The following SLC4A7 variants were observed in gnomAD, a reference collection of about 807,000 sequenced individuals.
SLC4A7 encodes sodium bicarbonate cotransporter 3.
A neutral mutation model predicts 137.6 loss-of-function variants in SLC4A7; 51 were observed. The observed-to-expected ratio is 0.37, with a 90% CI of 0.30 to 0.47. The LOEUF (loss-of-function observed/expected upper bound fraction) is 0.47. Among genes scored for constraint, SLC4A7 ranks in the 20% least tolerant of loss-of-function variants. The probability of loss-of-function intolerance (pLI) is 1.00; values close to 1 mark genes in which losing one functional copy is unlikely to be tolerated. For missense variants in SLC4A7, 1,247 were observed against 1,525.4 expected (o/e 0.82, Z 3.04); for synonymous variants, 542 against 518.6 (o/e 1.05, Z -0.61).
intron 18 of SLC4A7, among the ~76,000 whole-genome samples, chr3:27,397,066 T>C (rs1336311763): frequency 6.6e-6 from 1 of 152,164 alleles, no homozygotes; most frequent in Non-Finnish European, 1.5e-5. Context: ...TCCCCTCTTA[T>C]TGCCCAGTCT....
At chr3:27,392,263 T>C (rs2150087890) in intron 20 of SLC4A7, among the ~76,000 whole-genome samples, 1 of 152,220 alleles carries the variant, frequency 6.6e-6, no homozygotes, top group East Asian at 1.9e-4. Flanking sequence ...AAAATCCACC[T>C]CCAAAATAAA....
intron 11 of SLC4A7, among the ~76,000 whole-genome samples, chr3:27,412,716 ATTT>A (rs1234246554): frequency 6.9e-6 from 1 of 145,676 alleles, no homozygotes; most frequent in Non-Finnish European, 1.6e-5. Context: ...TTTGGCTATT[ATTT>A]TTAATTTAAT....
intron 10 of SLC4A7, 24 bp from the exon 11 acceptor site, chr3:27,418,656 A>G (rs755713758): frequency 1.7e-5 from 25 of 1,470,428 alleles, no homozygotes; most frequent in Non-Finnish European, 9.3e-7. Flanking sequence ...ATATTGAGTA[A>G]AAGATTTTAA....
At chr3:27,386,541 CCTG>C (rs1351160796) in intron 22 of SLC4A7, among the ~76,000 whole-genome samples, 10 of 152,136 alleles carry the variant, frequency 6.6e-5, no homozygotes, top group South Asian at 2.1e-4. Context: ...CACTTCTGTA[CCTG>C]CTATTTCCTA....
intron 18 of SLC4A7, among the ~76,000 whole-genome samples, chr3:27,396,976 C>T (rs1393047739): frequency 6.6e-6 from 1 of 152,068 alleles, no homozygotes; most frequent in East Asian, 1.9e-4. Flanking sequence ...ATATACTACC[C>T]TTCTAGAAAT....
intron 1 of SLC4A7, among the ~76,000 whole-genome samples, chr3:27,476,540 C>A (rs1488565419): frequency 1.3e-5 from 2 of 152,196 alleles, no homozygotes; most frequent in African/African-American, 4.8e-5. Context: ...TGTCCCCACC[C>A]AAATCTCATG....
At chr3:27,435,724 C>T (rs572340142) in intron 5 of SLC4A7, among the ~76,000 whole-genome samples, 1 of 152,232 alleles carries the variant, frequency 6.6e-6, no homozygotes, top group African/African-American at 2.4e-5. Context: ...CACCTGTGGT[C>T]CCAGCTACTC....
intron 18 of SLC4A7, 53 bp from the exon 19 acceptor site, chr3:27,395,168 A>C: frequency 7.6e-7 from 1 of 1,313,118 alleles, no homozygotes; most frequent in Non-Finnish European, 1.0e-6. Context: ...GTATTGCACT[A>C]AATTTCCATA....
intron 11 of SLC4A7, among the ~76,000 whole-genome samples, chr3:27,414,622 A>G (rs2054215188): frequency 6.6e-6 from 1 of 152,190 alleles, no homozygotes; most frequent in South Asian, 2.1e-4. Context: ...CATGTTGCAA[A>G]AGAAGTCAAA....
chr3:27,431,078 T>C (rs1157079251), intron 7 of SLC4A7, among the ~76,000 whole-genome samples: 1 of 152,154 alleles, frequency 6.6e-6, no homozygotes, highest in African/African-American at 2.4e-5. Context: ...GAAAGTAATT[T>C]TTGCCATTGA....
At chr3:27,447,861 A>G (rs2150515613) in intron 3 of SLC4A7, among the ~76,000 whole-genome samples, 1 of 151,826 alleles carries the variant, frequency 6.6e-6, no homozygotes, top group Admixed American at 6.5e-5. Flanking sequence ...TTTTGCACAG[A>G]AAACCAAATA....
At chr3:27,422,443 G>T (rs917386224) in intron 8 of SLC4A7, among the ~76,000 whole-genome samples, 1 of 151,850 alleles carries the variant, frequency 6.6e-6, no homozygotes, top group Non-Finnish European at 1.5e-5. Flanking sequence ...AATTTTTGTT[G>T]TTTTTTTGTA....
chr3:27,418,404 T>A, intron 11 of SLC4A7, 82 bp downstream of exon 11: 1 of 1,100,932 alleles, frequency 9.1e-7, no homozygotes. Context: ...AACTTCTCTG[T>A]TTTGGTTTTT....
At chr3:27,394,177 C>T (rs1459458576) in intron 20 of SLC4A7, among the ~76,000 whole-genome samples, 2 of 148,502 alleles carry the variant, frequency 1.3e-5, no homozygotes, top group Admixed American at 6.7e-5. Flanking sequence ...TGCCACCATA[C>T]CTGGCTAATT....
intron 23 of SLC4A7, among the ~76,000 whole-genome samples, chr3:27,385,022 G>C (rs753111542): frequency 6.6e-6 from 1 of 151,900 alleles, no homozygotes; most frequent in Admixed American, 6.6e-5. Context: ...TAAAAATCTG[G>C]TGTCTTAATT....
intron 21 of SLC4A7, chr3:27,390,356 A>C: frequency 2.9e-6 from 1 of 342,486 alleles, no homozygotes; most frequent in Non-Finnish European, 5.3e-6. Flanking sequence ...TCAAGCCAAA[A>C]TGTTTAATTC....
rs772932951 is a variant in SLC4A7 at position 27,383,138 on chromosome 3, A to G, written c.3590+15T>C. ...CATGCATATAAAAGTTTTAGAGCATAAAGTCATATCTCACCTATATTTTAG... is the reference window on the plus strand; with the variant it reads ...CATGCATATAAAAGTTTTAGAGCATGAAGTCATATCTCACCTATATTTTAG... On this transcript the variant is annotated intron_variant, in intron 24 of 25. Transcript: ENST00000454389. 7.3e-6 allele frequency: 11 copies of G among 1,504,388 alleles called. No individual in the cohort carries two copies. Among genetic ancestry groups the G allele is most frequent in the Non-Finnish European group, 9.2e-6 (10 of 1,085,570 alleles). 93.2% of individuals were successfully genotyped at this position (1,504,388 alleles called of 1,614,324 possible).
chr3:27,429,065 A>G (rs573845194), intron 7 of SLC4A7, among the ~76,000 whole-genome samples: 1 of 151,914 alleles, frequency 6.6e-6, no homozygotes, highest in Non-Finnish European at 1.5e-5. Flanking sequence ...CAAGAGATCG[A>G]GACCATCCTG....
At chr3:27,411,513 A>T in intron 12 of SLC4A7, 129 bp downstream of exon 12, 2 of 362,824 alleles carry the variant, frequency 5.5e-6, no homozygotes, top group Non-Finnish European at 1.0e-5. Flanking sequence ...ATATATAATA[A>T]TGCACATTTT....
Sources: gnomAD v4.1 joint callset for allele counts (sites outside exome capture counted in the v4.1 genomes callset) on GRCh38, gnomAD v4.1.1 for gene constraint, MANE v1.5 for transcripts, NCBI Gene and HGNC (gene_info 2026-07-23, HGNC 2026-07-21) for gene names.